Variants in CRTAC1 observed in about 807,000 individuals in gnomAD.
CRTAC1 encodes the protein acidic secreted protein in cartilage.
Under a neutral mutation model 67.8 loss-of-function variants are expected in CRTAC1, and 37 were observed. That is an observed-to-expected ratio of 0.55 (90% CI 0.42 to 0.72). CRTAC1 has a LOEUF of 0.72. CRTAC1 is among the 30% of genes least tolerant of loss of function. The pLI is 0.00. For missense variants in CRTAC1, 780 were observed against 931.6 expected (o/e 0.84, Z 2.12); for synonymous variants, 348 against 371.0 (o/e 0.94, Z 0.71).
intron 2 of CRTAC1, among the ~76,000 whole-genome samples, chr10:97,957,213 T>C (rs1175594124): frequency 1.3e-5 from 2 of 152,110 alleles, no homozygotes; most frequent in African/African-American, 4.8e-5. Flanking sequence ...ATTGGCAGTC[T>C]CTCTGGAGAG....
In CRTAC1 at chr10:97,936,221, CGTCGAT is replaced by C; in HGVS notation, c.364_369del (p.Ile122_Asp123del). ...AAGTAGATCTCCTCCCGGCCGTCCC[CGTCGAT>C]GTCGCAGGCTGTGACCCCGATGGCG... On this transcript the variant is annotated inframe_deletion, in exon 3 of 15. Transcript: ENST00000370597. 2.5e-6 allele frequency: 4 copies of C among 1,614,012 alleles called. No homozygotes were observed. The highest frequency in any genetic ancestry group is 3.4e-6 in the Non-Finnish European group (4 of 1,179,930).
At chr10:97,899,839 C>T (rs945319322) in intron 8 of CRTAC1, among the ~76,000 whole-genome samples, 27 of 152,264 alleles carry the variant, frequency 1.8e-4, no homozygotes, top group African/African-American at 6.3e-4. Flanking sequence ...ACCCTCCTTT[C>T]CCCACCTGGT....
At chr10:97,875,702 G>C (rs1176550473) in intron 14 of CRTAC1, 1 of 152,238 alleles carries the variant, frequency 6.6e-6, no homozygotes, top group Non-Finnish European at 1.5e-5. Context: ...AACTTGGCTG[G>C]CTCCCTGCAA....
rs560815029 is a variant in CRTAC1, at chr10:97,885,948, C to T, written c.1487-1597G>A. Among the ~76,000 whole-genome samples the T allele has an allele frequency of 6.6e-5, 10 of 152,174 alleles. 1 individual carries two copies. Among genetic ancestry groups the T allele is most frequent in the South Asian group, 4.1e-4 (2 of 4,836 alleles). ...TTAAAATTGCTGTTGAATGTATATT[C>T]GCATTTGGTCATTACTATCCACCAA... On this transcript the variant is annotated intron_variant, in intron 11 of 14. Transcript: ENST00000370597.
intron 2 of CRTAC1, among the ~76,000 whole-genome samples, chr10:97,997,336 C>T (rs1842602091): frequency 6.8e-6 from 1 of 147,024 alleles, no homozygotes; most frequent in South Asian, 2.2e-4. Flanking sequence ...CCCTGTAGTC[C>T]CAGCTACTCA....
intron 9 of CRTAC1, 46 bp downstream of exon 9, chr10:97,896,863 A>G (rs368802524): frequency 2.1e-5 from 23 of 1,082,102 alleles, no homozygotes; most frequent in Non-Finnish European, 1.2e-5. Flanking sequence ...GTGTATGAAC[A>G]GTGCTAAGGG....
At chr10:97,933,618 C>G (rs2051035539) in intron 3 of CRTAC1, among the ~76,000 whole-genome samples, 1 of 152,228 alleles carries the variant, frequency 6.6e-6, no homozygotes, top group Non-Finnish European at 1.5e-5. Flanking sequence ...GACTCAGATA[C>G]CCGGAGAAAC....
At chr10:97,908,383 G>T (rs139225096) in intron 5 of CRTAC1, among the ~76,000 whole-genome samples, 3 of 152,182 alleles carry the variant, frequency 2.0e-5, no homozygotes, top group African/African-American at 4.8e-5. Flanking sequence ...ACCGGGCATG[G>T]GGACCCCACA....
chr10:97,950,246 C>CACAGAGAG (rs1447953866), intron 2 of CRTAC1, among the ~76,000 whole-genome samples: 181 of 113,412 alleles, frequency 1.6e-3, no homozygotes, highest in Middle Eastern at 4.7e-3. Context: ...CACACACACA[C>CACAGAGAG]AGAGAGAGAG....
chr10:98,019,259 C>T (rs770358774), intron 1 of CRTAC1, among the ~76,000 whole-genome samples: 2 of 152,188 alleles, frequency 1.3e-5, no homozygotes, highest in Non-Finnish European at 2.9e-5. Context: ...TATCTACAGA[C>T]CCCGCCGCCT....
chr10:97,908,996 C>T (rs2050652286), intron 5 of CRTAC1, among the ~76,000 whole-genome samples: 1 of 152,098 alleles, frequency 6.6e-6, no homozygotes, highest in South Asian at 2.1e-4. Context: ...GATAGTTGGC[C>T]TTTTTTCTTT....
chr10:97,929,908 G>C (rs1397794920), intron 3 of CRTAC1, among the ~76,000 whole-genome samples: 1 of 152,192 alleles, frequency 6.6e-6, no homozygotes, highest in Non-Finnish European at 1.5e-5. Flanking sequence ...GACAGTGATG[G>C]CTCCAGGGGA....
At chr10:97,937,064 C>T (rs560963306) in intron 2 of CRTAC1, among the ~76,000 whole-genome samples, 3 of 152,346 alleles carry the variant, frequency 2.0e-5, no homozygotes, top group South Asian at 2.1e-4. Flanking sequence ...AGAACATGAA[C>T]ACGTCTAAAG....
chr10:97,896,513 T>C (rs1261180341), intron 9 of CRTAC1, among the ~76,000 whole-genome samples: 3 of 152,162 alleles, frequency 2.0e-5, no homozygotes, highest in Non-Finnish European at 4.4e-5. Flanking sequence ...CCCAGTGCTC[T>C]GTCTGACAAC....
chr10:97,896,942 C>G lies in CRTAC1; in HGVS notation c.1183G>C (p.Gly395Arg). Residue 395 changes from glycine to arginine, a missense_variant, in exon 9 of 15, where the codon GGC (glycine) becomes CGC (arginine). Gly to Arg is a moderately radical substitution (Grantham distance 125). Transcript: ENST00000370597. The part of the protein sequence containing the change: ...GDPLIEELNP[G>R]DALEPEGRGT... ...CGGCCCTCAGGCTCCAAGGCGTCGCCGGGATTGAGCTCCTCGATGAGGGGG... is the reference window on the plus strand; with the variant it reads ...CGGCCCTCAGGCTCCAAGGCGTCGCGGGGATTGAGCTCCTCGATGAGGGGG... The G allele has an allele frequency of 6.4e-7, 1 of 1,560,890 alleles. No individual in the cohort carries two copies. The highest frequency in any genetic ancestry group is 8.7e-7 in the Non-Finnish European group (1 of 1,151,684).
intron 14 of CRTAC1, among the ~76,000 whole-genome samples, chr10:97,871,979 G>T (rs1269601386): frequency 1.3e-5 from 2 of 152,248 alleles, no homozygotes; most frequent in African/African-American, 4.8e-5. Context: ...GAGGCCCCAA[G>T]AAGGGGGCAA....
intron 2 of CRTAC1, among the ~76,000 whole-genome samples, chr10:97,947,218 C>T (rs774443665): frequency 1.6e-4 from 25 of 152,204 alleles, no homozygotes; most frequent in Non-Finnish European, 2.9e-4. Flanking sequence ...TATTTCTAGG[C>T]AGGCACACCG....
At chr10:97,994,811 G>A (rs1842524289) in intron 2 of CRTAC1, among the ~76,000 whole-genome samples, 1 of 152,230 alleles carries the variant, frequency 6.6e-6, no homozygotes, top group South Asian at 2.1e-4. Context: ...GATTGGAACA[G>A]TTCTCCAGAG....
chr10:98,027,119 AT>A (rs1242428930), intron 1 of CRTAC1, among the ~76,000 whole-genome samples: 1 of 151,112 alleles, frequency 6.6e-6, no homozygotes, highest in Non-Finnish European at 1.5e-5. Context: ...GTGAGCCGAG[AT>A]TGCGCCACTG....
Sources: gnomAD v4.1 joint callset for allele counts (sites outside exome capture counted in the v4.1 genomes callset) on GRCh38, gnomAD v4.1.1 for gene constraint, MANE v1.5 for transcripts, NCBI Gene and HGNC (gene_info 2026-07-23, HGNC 2026-07-21) for gene names.